TXNDC8: variants seen among roughly 807,000 people sequenced by gnomAD.
TXNDC8 encodes thioredoxin domain-containing protein 8.
Under a neutral mutation model 12.9 loss-of-function variants are expected in TXNDC8, and 15 were observed. The ratio of observed to expected loss-of-function variants is 1.16; its 90% CI spans 0.78 to 1.79. TXNDC8 has a LOEUF of 1.79. TXNDC8 is among the 40% of genes most tolerant of loss of function. TXNDC8 has a pLI of 0.00. For missense variants in TXNDC8, 128 were observed against 113.2 expected (o/e 1.13, Z -0.59); for synonymous variants, 40 against 35.4 (o/e 1.13, Z -0.46).
chr9:110,334,658 T>C (rs143217227), intron 1 of TXNDC8, among the ~76,000 whole-genome samples: 4 of 152,184 alleles, frequency 2.6e-5, no homozygotes, highest in Non-Finnish European at 5.9e-5. Context: ...ATAAAAATCA[T>C]GGAAGTCTAT....
intron 3 of TXNDC8, among the ~76,000 whole-genome samples, chr9:110,318,894 A>C (rs1272890406): frequency 6.6e-6 from 1 of 152,222 alleles, no homozygotes; most frequent in Non-Finnish European, 1.5e-5. Flanking sequence ...TTAATCCTGC[A>C]CTTGTCATAT....
At chr9:110,312,091 T>C (rs1838711608) in intron 3 of TXNDC8, among the ~76,000 whole-genome samples, 1 of 151,984 alleles carries the variant, frequency 6.6e-6, no homozygotes, top group African/African-American at 2.4e-5. Flanking sequence ...ATTTTTGACT[T>C]TTTCTTAAAA....
At chr9:110,308,367 C>G (rs1355879500) in intron 3 of TXNDC8, among the ~76,000 whole-genome samples, 17 of 152,178 alleles carry the variant, frequency 1.1e-4, no homozygotes, top group Admixed American at 1.1e-3. Flanking sequence ...AAGACCCAAC[C>G]CTAGGTAAGT....
rs563626904 is a variant in TXNDC8, at chr9:110,323,927, G to A, written c.195+2248C>T. On this transcript the variant is annotated intron_variant, in intron 3 of 4. Transcript: ENST00000423740. ...AATTAGCTCTGGTTTGACTTGGATT[G>A]GCTTGACTGGAGTCAAGGGTCCATT... The A allele has an allele frequency of 5.8e-6, 9 of 1,551,006 alleles. No homozygotes were observed. In the Admixed American group the frequency reaches 1.8e-4, roughly 30 times the overall value.
chr9:110,313,305 C>T (rs573185227), intron 3 of TXNDC8, among the ~76,000 whole-genome samples: 5 of 152,098 alleles, frequency 3.3e-5, no homozygotes, highest in Non-Finnish European at 7.4e-5. Context: ...TTTTTTAAAG[C>T]CCTGCAAACT....
intron 2 of TXNDC8, among the ~76,000 whole-genome samples, chr9:110,329,570 C>T (rs1006891121): frequency 6.6e-5 from 10 of 152,108 alleles, no homozygotes; most frequent in African/African-American, 2.4e-4. Flanking sequence ...ACAGAATGTG[C>T]GTGGTGGATC....
intron 3 of TXNDC8, among the ~76,000 whole-genome samples, chr9:110,311,765 C>G (rs995627567): frequency 4.2e-5 from 5 of 119,662 alleles, no homozygotes; most frequent in African/African-American, 1.4e-4. Flanking sequence ...ATACTATGTA[C>G]TATATATATA....
intron 3 of TXNDC8, among the ~76,000 whole-genome samples, chr9:110,311,578 G>A (rs1253351931): frequency 3.3e-4 from 23 of 70,268 alleles, no homozygotes; most frequent in Admixed American, 4.4e-4. Flanking sequence ...ATATATATAT[G>A]GATTACTATA....
intron 3 of TXNDC8, chr9:110,322,696 A>T (rs1839151342): frequency 2.0e-6 from 2 of 985,510 alleles, no homozygotes; most frequent in African/African-American, 3.5e-5. Context: ...AGCAGGAATA[A>T]AACCAGAAAA....
chr9:110,318,733 G>A (rs137950543), intron 3 of TXNDC8, among the ~76,000 whole-genome samples: 1,815 of 149,504 alleles, frequency 0.012, 12 homozygotes, highest in Non-Finnish European at 0.019. Context: ...GCAAGACTCC[G>A]TCTAAAAAAA....
At chr9:110,307,478 A>G (rs1838511929) in intron 3 of TXNDC8, among the ~76,000 whole-genome samples, 1 of 152,222 alleles carries the variant, frequency 6.6e-6, no homozygotes, top group Non-Finnish European at 1.5e-5. Context: ...CAATTTACTG[A>G]TAAGAGCTTA....
intron 1 of TXNDC8, among the ~76,000 whole-genome samples, chr9:110,335,986 G>T (rs1839739799): frequency 6.6e-6 from 1 of 152,118 alleles, no homozygotes. Context: ...ATGGGGGTGG[G>T]TTTTTCCCAT....
intron 3 of TXNDC8, among the ~76,000 whole-genome samples, chr9:110,310,887 T>G (rs1015332440): frequency 1.3e-5 from 2 of 152,256 alleles, no homozygotes; most frequent in African/African-American, 2.4e-5. Context: ...TTTGCTTGTG[T>G]AATTTTTAAT....
At chr9:110,333,544 T>G (rs1203434344) in intron 2 of TXNDC8, among the ~76,000 whole-genome samples, 3 of 152,126 alleles carry the variant, frequency 2.0e-5, no homozygotes, top group Non-Finnish European at 2.9e-5. Flanking sequence ...ACTTAAAAAT[T>G]TAGTGTAGAT....
chr9:110,334,634 C>T (rs910417055), intron 1 of TXNDC8, among the ~76,000 whole-genome samples: 2 of 152,130 alleles, frequency 1.3e-5, no homozygotes, highest in Non-Finnish European at 2.9e-5. Flanking sequence ...AAATATATTT[C>T]TCTTTGTAAG....
At chr9:110,322,791 T>A (rs1839157194) in intron 3 of TXNDC8, 1 of 985,518 alleles carries the variant, frequency 1.0e-6, no homozygotes. Context: ...GGCAGTGGGA[T>A]GCAGGGAAAA....
At chr9:110,334,169 C>G in intron 2 of TXNDC8, 47 bp downstream of exon 2, 1 of 1,471,930 alleles carries the variant, frequency 6.8e-7, no homozygotes, top group Non-Finnish European at 9.3e-7. Context: ...TATTCTGGAA[C>G]TTTAAATTTC....
chr9:110,337,745 T>A (rs1187121555), intron 1 of TXNDC8, 28 bp downstream of exon 1: 1 of 1,611,364 alleles, frequency 6.2e-7, no homozygotes, highest in East Asian at 2.2e-5. Flanking sequence ...ACATTTGAAA[T>A]ACTCAGTGAA....
At chr9:110,322,660 A>C in intron 3 of TXNDC8, 2 of 985,512 alleles carry the variant, frequency 2.0e-6, no homozygotes, top group Non-Finnish European at 2.4e-6. Context: ...GTTGAGTGGC[A>C]GCAGCTACCA....
Sources: allele counts gnomAD v4.1 joint callset (sites outside exome capture counted in the v4.1 genomes callset), GRCh38; gene constraint gnomAD v4.1.1; transcripts MANE v1.5; gene names NCBI Gene and HGNC (gene_info 2026-07-23, HGNC 2026-07-21).